The following PKD2L2 variants were observed in gnomAD, a reference collection of about 807,000 sequenced individuals.
PKD2L2 encodes the protein polycystin 2 like 2, transient receptor potential cation channel.
Under a neutral mutation model 83.9 loss-of-function variants are expected in PKD2L2, and 67 were observed. That is an observed-to-expected ratio of 0.80 (90% CI 0.66 to 0.98). The LOEUF (loss-of-function observed/expected upper bound fraction) is 0.98, where lower values mean the gene tolerates loss of function less well. Ranked by LOEUF, PKD2L2 falls within the 50% of genes least tolerant of loss-of-function variation. The probability of loss-of-function intolerance (pLI) is 0.00; values close to 1 mark genes in which losing one functional copy is unlikely to be tolerated. For missense variants in PKD2L2, 632 were observed against 717.2 expected, an observed-to-expected ratio of 0.88 and a Z score of 1.36; for synonymous variants, 223 against 237.8, an observed-to-expected ratio of 0.94 and a Z score of 0.57.
chr5:137,915,141 G>A (rs1421456187), intron 8 of PKD2L2, among the ~76,000 whole-genome samples: 2 of 152,142 alleles, frequency 1.3e-5, no homozygotes, highest in Admixed American at 1.3e-4. Context: ...CACGTAAAAT[G>A]AGTTTGGAAG....
chr5:137,916,019 C>G (rs1758294417), intron 8 of PKD2L2, among the ~76,000 whole-genome samples: 1 of 111,626 alleles, frequency 9.0e-6, no homozygotes, highest in Non-Finnish European at 1.9e-5. Flanking sequence ...ATTATGTATA[C>G]ACACATTTTT....
intron 14 of PKD2L2, chr5:137,938,951 C>T (rs1052756102): frequency 3.9e-5 from 6 of 152,054 alleles, no homozygotes; most frequent in African/African-American, 1.4e-4. Flanking sequence ...TTAGATTAAG[C>T]CTGACCCAAA....
intron 12 of PKD2L2, among the ~76,000 whole-genome samples, chr5:137,927,993 A>C (rs1332786565): frequency 6.6e-6 from 1 of 152,166 alleles, no homozygotes; most frequent in African/African-American, 2.4e-5. Context: ...GTATATGGGA[A>C]ACTTTACCTA....
At chr5:137,941,759 A>G (rs1761916661) in intron 14 of PKD2L2, among the ~76,000 whole-genome samples, 1 of 152,226 alleles carries the variant, frequency 6.6e-6, no homozygotes, top group Admixed American at 6.5e-5. Flanking sequence ...TGTTGTTTAC[A>G]CTGGCTGTGA....
intron 12 of PKD2L2, among the ~76,000 whole-genome samples, chr5:137,929,136 C>A (rs1759624526): frequency 1.3e-5 from 2 of 152,108 alleles, no homozygotes; most frequent in Middle Eastern, 3.4e-3. Context: ...GGAAACAAAG[C>A]AAGAAAGGGA....
intron 10 of PKD2L2, among the ~76,000 whole-genome samples, chr5:137,924,833 G>C (rs192436138): frequency 7.2e-4 from 109 of 152,262 alleles, no homozygotes; most frequent in South Asian, 4.6e-3. Flanking sequence ...GCCCCCAACA[G>C]AAGAACCCCT....
At chr5:137,932,101 T>C (rs147249635) in intron 12 of PKD2L2, among the ~76,000 whole-genome samples, 1 of 152,296 alleles carries the variant, frequency 6.6e-6, no homozygotes, top group East Asian at 1.9e-4. Flanking sequence ...TTCATACCTG[T>C]AATCCCAGCA....
At chr5:137,903,944 C>T (rs948589297) in intron 5 of PKD2L2, among the ~76,000 whole-genome samples, 10 of 152,018 alleles carry the variant, frequency 6.6e-5, no homozygotes, top group Non-Finnish European at 1.0e-4. Context: ...TTAGTAGAGA[C>T]GGGGTTTCGC....
chr5:137,926,787 A>G (rs1044654735), intron 12 of PKD2L2, among the ~76,000 whole-genome samples: 1 of 152,166 alleles, frequency 6.6e-6, no homozygotes, highest in African/African-American at 2.4e-5. Context: ...TTAAATGCGT[A>G]ATGTTTTAAC....
At chr5:137,922,019 CTT>C (rs1337992073) in intron 9 of PKD2L2, among the ~76,000 whole-genome samples, 2 of 152,166 alleles carry the variant, frequency 1.3e-5, no homozygotes, top group African/African-American at 4.8e-5. Context: ...TCCCAAGTCT[CTT>C]CAGGCTGGGA....
chr5:137,893,088 A>T (rs1454146032), intron 3 of PKD2L2, among the ~76,000 whole-genome samples: 1 of 152,000 alleles, frequency 6.6e-6, no homozygotes, highest in Non-Finnish European at 1.5e-5. Context: ...ATTTTTTTTG[A>T]TTTTTTTAGA....
chr5:137,935,977 C>T, intron 13 of PKD2L2, 68 bp downstream of exon 13: 2 of 900,088 alleles, frequency 2.2e-6, no homozygotes, highest in Non-Finnish European at 3.6e-6. Context: ...ATGAGTTAAA[C>T]ACATTATTTT....
At chr5:137,893,256 A>T (rs1326992721) in intron 3 of PKD2L2, among the ~76,000 whole-genome samples, 2 of 152,150 alleles carry the variant, frequency 1.3e-5, no homozygotes, top group Non-Finnish European at 2.9e-5. Context: ...TTTACTGTTT[A>T]TATGTGTTAC....
intron 5 of PKD2L2, among the ~76,000 whole-genome samples, chr5:137,902,419 C>T (rs1054654652): frequency 2.6e-5 from 4 of 152,136 alleles, no homozygotes; most frequent in Admixed American, 2.0e-4. Context: ...ACAGCAAGAC[C>T]CTCCCTTTCT....
intron 12 of PKD2L2, among the ~76,000 whole-genome samples, chr5:137,929,625 A>C (rs1160384798): frequency 6.6e-6 from 1 of 150,994 alleles, no homozygotes; most frequent in Admixed American, 6.6e-5. Context: ...AGATATATCT[A>C]ACATAAATAC....
intron 6 of PKD2L2, 36 bp downstream of exon 6, chr5:137,906,470 C>T (rs1408540978): frequency 4.9e-6 from 5 of 1,021,098 alleles, no homozygotes; most frequent in Non-Finnish European, 7.3e-6. Flanking sequence ...TGAAGGGGAT[C>T]ACATCTGAAC....
rs1760459424 is a variant in PKD2L2 at position 137,936,738 on chromosome 5, AG to A, written c.*17+312del. Among the ~76,000 whole-genome samples, 9 of 152,364 alleles carry A rather than the reference AG, an allele frequency of 5.9e-5. No individual in the cohort carries two copies. In the South Asian group the frequency reaches 1.9e-3, roughly 32 times the overall value. ...CCAAAGTGCTGGGATGACAGGCGTG[AG>A]CCACCGCACCCAGCCCATTGAGCAT... On this transcript the variant is annotated intron_variant, in intron 14 of 14. Transcript: ENST00000508883.
Position 137,892,583 on chromosome 5 carries a change from G to T in PKD2L2, c.237G>T (p.Lys79Asn). 1 of 1,611,998 alleles carries T rather than the reference G, an allele frequency of 6.2e-7. No individual in the cohort carries two copies. The highest frequency in any genetic ancestry group is 8.5e-7 in the Non-Finnish European group (1 of 1,179,358). The change falls in exon 3 of 15, where the codon AAG (lysine) becomes AAT (asparagine). Residue 79 changes from lysine (K) to asparagine (N), a missense_variant. Around this residue, in one of 3 missense-constraint regions of PKD2L2, gnomAD observed 229 missense variants for 281.5 expected, o/e 0.81. Transcript: ENST00000508883. Reference sequence around the variant, plus strand: ...CTGGTGAAGAAAGAACCAACTTTAAGTCCATTCGCAGCATAACTGATTTTT... The same window carrying T: ...CTGGTGAAGAAAGAACCAACTTTAATTCCATTCGCAGCATAACTGATTTTT... Reference protein sequence around the residue: ...SVPGEERTNFKSIRSITDFWK... With the variant: ...SVPGEERTNFNSIRSITDFWK...
At chr5:137,896,926 GTT>G (rs56942570) in intron 4 of PKD2L2, among the ~76,000 whole-genome samples, 1 of 142,950 alleles carries the variant, frequency 7.0e-6, no homozygotes, top group Non-Finnish European at 1.5e-5. Context: ...TCATTGCTGG[GTT>G]TTTTTTTTTA....
Sources: allele counts gnomAD v4.1 joint callset (sites outside exome capture counted in the v4.1 genomes callset), GRCh38; gene constraint gnomAD v4.1.1; regional missense constraint gnomAD v4.1.1; transcripts MANE v1.5; gene names NCBI Gene and HGNC (gene_info 2026-07-23, HGNC 2026-07-21).